The following EPHA6 variants were observed in gnomAD, a reference collection of about 807,000 sequenced individuals.
The protein encoded by EPHA6 is EPH receptor A6.
In EPHA6, 50 loss-of-function variants were observed where a neutral mutation model predicts 112.0. That is an observed-to-expected ratio of 0.45 (90% CI 0.36 to 0.56). EPHA6 has a LOEUF of 0.56. Among genes scored for constraint, EPHA6 ranks in the 20% least tolerant of loss-of-function variants. The pLI is 0.00. For synonymous variants in EPHA6, 529 were observed against 490.7 expected, an observed-to-expected ratio of 1.08 and a Z score of -1.03; for missense variants, 1,280 against 1,417.4, an observed-to-expected ratio of 0.90 and a Z score of 1.56.
At position 97,532,617 on chromosome 3, in the gene EPHA6, T is replaced by C. The variant is rs570857750; in HGVS notation, c.2386+74T>C. Reference sequence around the variant, plus strand: ...TTTTTTTTAAGAAAAGGAAAAATCTTCATAATAATACCACAGTCATTAAAG... The same window carrying C: ...TTTTTTTTAAGAAAAGGAAAAATCTCCATAATAATACCACAGTCATTAAAG... On this transcript the variant is annotated intron_variant, in intron 11 of 17. Coordinates refer to ENST00000389672, the MANE Select transcript of EPHA6 (RefSeq NM_001080448.3). The C allele has an allele frequency of 5.3e-5, 65 of 1,215,266 alleles. No homozygotes were observed. In the African/African-American group the frequency reaches 9.5e-4, roughly 18 times the overall value. The allele number at this position is 1,215,266 out of a possible 1,614,324, so 75.3% of individuals were successfully genotyped here. A position where few individuals can be genotyped will look rare whatever the true frequency, so the allele number is the denominator to read the frequency against.
chr3:96,990,461 G>T (rs2043174026), intron 3 of EPHA6, among the ~76,000 whole-genome samples: 1 of 152,074 alleles, frequency 6.6e-6, no homozygotes, highest in Non-Finnish European at 1.5e-5. Flanking sequence ...GAAATTGGAA[G>T]ATTTAAGTTT....
chr3:97,498,867 C>G (rs1010864690), intron 10 of EPHA6, among the ~76,000 whole-genome samples: 1 of 152,170 alleles, frequency 6.6e-6, no homozygotes, highest in African/African-American at 2.4e-5. Flanking sequence ...AACCCTTCAT[C>G]TGCGGAAAAA....
At position 97,523,492 on chromosome 3, in the gene EPHA6, T is replaced by A. The variant is rs548762398; in HGVS notation, c.2201-8866T>A. ...TGTGTGCACTTGAGAAAAATGTGTA[T>A]AATGGTGCTGTTGGATGAAATGTTC... is the stretch of plus-strand genomic sequence containing the variant. On this transcript the variant is annotated intron_variant, in intron 10 of 17. Coordinates refer to ENST00000389672, the MANE Select transcript of EPHA6 (RefSeq NM_001080448.3). 5.3e-5 allele frequency among the ~76,000 whole-genome samples: 8 copies of A among 152,220 alleles called. No homozygotes were observed. In the South Asian group the frequency reaches 1.4e-3, roughly 28 times the overall value.
intron 10 of EPHA6, among the ~76,000 whole-genome samples, chr3:97,489,937 G>T (rs1204569223): frequency 1.3e-5 from 2 of 152,052 alleles, no homozygotes; most frequent in Non-Finnish European, 2.9e-5. Context: ...ATTAATTTTT[G>T]TTAATTTCAT....
At chr3:96,986,890 T>C (rs1576258636) in intron 2 of EPHA6, among the ~76,000 whole-genome samples, 1 of 152,210 alleles carries the variant, frequency 6.6e-6, no homozygotes, top group African/African-American at 2.4e-5. Context: ...AAATTGGATA[T>C]AAGGAAAGAT....
chr3:97,408,759 A>C (rs191582301), intron 6 of EPHA6, among the ~76,000 whole-genome samples: 6 of 151,874 alleles, frequency 4.0e-5, no homozygotes, highest in African/African-American at 1.5e-4. Flanking sequence ...TCCACCCCTG[A>C]TCACCTAATC....
intron 3 of EPHA6, among the ~76,000 whole-genome samples, chr3:96,996,182 C>T (rs2043413210): frequency 6.6e-6 from 1 of 152,278 alleles, no homozygotes; most frequent in African/African-American, 2.4e-5. Flanking sequence ...CTGATGTTTT[C>T]AAGTTTTATC....
chr3:97,289,413 T>G (rs2080598337), intron 5 of EPHA6, among the ~76,000 whole-genome samples: 1 of 152,154 alleles, frequency 6.6e-6, no homozygotes, highest in South Asian at 2.1e-4. Context: ...TATTAGGGGT[T>G]CTGTATTCTG....
chr3:97,744,951 G>A (rs953088057), intron 16 of EPHA6, among the ~76,000 whole-genome samples: 1 of 151,866 alleles, frequency 6.6e-6, no homozygotes, highest in Non-Finnish European at 1.5e-5. Flanking sequence ...TTTGAAATAG[G>A]ACACTCAATT....
intron 14 of EPHA6, among the ~76,000 whole-genome samples, chr3:97,686,322 C>G (rs1036085287): frequency 6.6e-6 from 1 of 152,152 alleles, no homozygotes; most frequent in Non-Finnish European, 1.5e-5. Context: ...CCTTCCTTCT[C>G]TCCCTCTTCC....
At chr3:97,556,721 C>A (rs966562350) in intron 11 of EPHA6, among the ~76,000 whole-genome samples, 1 of 151,922 alleles carries the variant, frequency 6.6e-6, no homozygotes, top group Non-Finnish European at 1.5e-5. Flanking sequence ...AAAGCAAATC[C>A]TGAGTGCATT....
intron 3 of EPHA6, among the ~76,000 whole-genome samples, chr3:97,118,439 C>T (rs886065409): frequency 6.6e-6 from 1 of 151,814 alleles, no homozygotes; most frequent in Admixed American, 6.6e-5. Flanking sequence ...GACAAATGTT[C>T]CTTCAATCTG....
chr3:97,453,039 A>G (rs187588168), intron 7 of EPHA6, among the ~76,000 whole-genome samples: 54 of 151,898 alleles, frequency 3.6e-4, no homozygotes, highest in African/African-American at 1.2e-3. Context: ...TAAAATAAAG[A>G]TAAGGAAATA....
chr3:96,895,880 T>G (rs892869592), intron 2 of EPHA6, among the ~76,000 whole-genome samples: 6 of 152,222 alleles, frequency 3.9e-5, no homozygotes, highest in Non-Finnish European at 8.8e-5. Flanking sequence ...ACACCAATCA[T>G]TGAATTTGAG....
intron 5 of EPHA6, among the ~76,000 whole-genome samples, chr3:97,336,626 A>T (rs2083067484): frequency 6.6e-6 from 1 of 152,088 alleles, no homozygotes; most frequent in Non-Finnish European, 1.5e-5. Context: ...TCTGTTGGGG[A>T]GTTTACTGTT....
intron 5 of EPHA6, among the ~76,000 whole-genome samples, chr3:97,305,457 G>T (rs1243950103): frequency 6.6e-6 from 1 of 151,974 alleles, no homozygotes; most frequent in African/African-American, 2.4e-5. Context: ...GCAGTGACAT[G>T]AAATCAACCC....
At chr3:97,248,958 C>T (rs1290868695) in intron 5 of EPHA6, among the ~76,000 whole-genome samples, 1 of 151,618 alleles carries the variant, frequency 6.6e-6, no homozygotes, top group East Asian at 1.9e-4. Flanking sequence ...TGTATTTTAT[C>T]TCTGAACATC....
intron 2 of EPHA6, among the ~76,000 whole-genome samples, chr3:96,982,775 T>C (rs62263698): frequency 6.6e-6 from 1 of 152,240 alleles, no homozygotes; most frequent in Non-Finnish European, 1.5e-5. Flanking sequence ...CAGTTAGCTC[T>C]TCTTGTTGAA....
At chr3:97,362,566 G>A (rs1302057187) in intron 5 of EPHA6, among the ~76,000 whole-genome samples, 1 of 152,026 alleles carries the variant, frequency 6.6e-6, no homozygotes, top group Non-Finnish European at 1.5e-5. Context: ...GAGAGAAAGT[G>A]TAATTGTTAT....
Sources: gnomAD v4.1 joint callset for allele counts (sites outside exome capture counted in the v4.1 genomes callset) on GRCh38, gnomAD v4.1.1 for gene constraint, MANE v1.5 for transcripts, NCBI Gene and HGNC (gene_info 2026-07-23, HGNC 2026-07-21) for gene names.